The following SLC26A3 variants were observed in gnomAD, a reference collection of about 807,000 sequenced individuals.
SLC26A3 encodes the protein solute carrier family 26 member 3.
SLC26A3 carries 64 observed loss-of-function variants against 85.6 expected under a neutral mutation model. The ratio of observed to expected loss-of-function variants is 0.75; its 90% confidence interval spans 0.61 to 0.92. SLC26A3 has a LOEUF of 0.92. Ranked by LOEUF, SLC26A3 falls within the 40% of genes least tolerant of loss-of-function variation. The probability of loss-of-function intolerance (pLI) is 0.00; values close to 1 mark genes in which losing one functional copy is unlikely to be tolerated. For missense variants in SLC26A3, 922 were observed against 927.3 expected (o/e 0.99, Z 0.07); for synonymous variants, 349 against 336.0 (o/e 1.04, Z -0.42).
chr7:107,775,519 G>A (rs1794097299), intron 15 of SLC26A3, among the ~76,000 whole-genome samples: 1 of 151,966 alleles, frequency 6.6e-6, no homozygotes, highest in Non-Finnish European at 1.5e-5. Context: ...GAGGCCACGA[G>A]TTCAAGGCCA....
chr7:107,797,196 C>T (rs2115898813), intron 1 of SLC26A3, among the ~76,000 whole-genome samples: 1 of 152,218 alleles, frequency 6.6e-6, no homozygotes, highest in Non-Finnish European at 1.5e-5. Context: ...ATCAGGGGAG[C>T]TTAAGAAATC....
chr7:107,783,263 G>T lies in SLC26A3; in HGVS notation c.1061C>A (p.Ala354Asp). The T allele has an allele frequency of 6.2e-7, 1 of 1,614,198 alleles. No homozygotes were observed. The highest frequency in any genetic ancestry group is 2.2e-5 in the East Asian group (1 of 44,892). Residue 354 changes from alanine to aspartate, a missense_variant, in exon 9 of 21, where the codon GCC (alanine) becomes GAC (aspartate). Ala to Asp is a moderately radical substitution (Grantham distance 126). Coordinates refer to ENST00000340010, the MANE Select transcript of SLC26A3 (RefSeq NM_000111.3). ...FGIAMVAFAVAFSVASVYSLK... is the reference protein window; with the variant it reads ...FGIAMVAFAVDFSVASVYSLK... ...GGAATAGACGCTGGCAACTGAAAAG[G>T]CCACTGCAAATGCAACCATTGCGAT...
At position 107,783,361 on chromosome 7, in the gene SLC26A3, G is replaced by C; in HGVS notation, c.972-9C>G. ...TAATAGGGGGCTGAAATCTAAAATT[G>C]AAATTAAGCAAGTCTGAATGTCACC... On this transcript the variant is annotated splice_polypyrimidine_tract_variant and intron_variant, in intron 8 of 20. Coordinates refer to ENST00000340010, the MANE Select transcript of SLC26A3 (RefSeq NM_000111.3). 1.2e-6 allele frequency: 2 copies of C among 1,614,098 alleles called. No individual in the cohort carries two copies. Among genetic ancestry groups the C allele is most frequent in the Non-Finnish European group, 1.7e-6 (2 of 1,179,978 alleles).
At chr7:107,796,982 ATT>A (rs1427361841) in intron 1 of SLC26A3, among the ~76,000 whole-genome samples, 1 of 151,746 alleles carries the variant, frequency 6.6e-6, no homozygotes, top group East Asian at 1.9e-4. Flanking sequence ...TTTTATTTTA[ATT>A]TTTTTTGCCG....
Position 107,791,763 on chromosome 7 carries a change from G to C in SLC26A3, c.382+67C>G, listed in dbSNP as rs1341591578. 3 of 1,006,452 alleles carry C rather than the reference G, an allele frequency of 3.0e-6. No homozygotes were observed. The Admixed American group carries it at 5.2e-5, about 17-fold the overall frequency. The allele number at this position is 1,006,452 out of a possible 1,614,324, so 62.3% of individuals were successfully genotyped here. ...TATGTGAAATTTGGAATTGATAGAA[G>C]GTATGGCTAATAAAATTCATAAGGA... is the stretch of plus-strand genomic sequence containing the variant. On this transcript the variant is annotated intron_variant, in intron 4 of 20. Coordinates refer to ENST00000340010, the MANE Select transcript of SLC26A3 (RefSeq NM_000111.3).
At chr7:107,793,603 T>G (rs149475956) in intron 3 of SLC26A3, 139 bp downstream of exon 3, 25 of 656,648 alleles carry the variant, frequency 3.8e-5, no homozygotes, top group Middle Eastern at 4.1e-4. Context: ...TTTTTAGGGG[T>G]TGGTGGTGGT....
At chr7:107,766,031 A>G (rs1038555656) in intron 20 of SLC26A3, among the ~76,000 whole-genome samples, 153 bp from the exon 21 acceptor site, 4 of 152,112 alleles carry the variant, frequency 2.6e-5, no homozygotes, top group African/African-American at 9.7e-5. Context: ...CTTGTTTAAC[A>G]TAGATCTATG....
intron 4 of SLC26A3, 148 bp downstream of exon 4, chr7:107,791,682 T>C: frequency 1.9e-6 from 1 of 526,780 alleles, no homozygotes; most frequent in South Asian, 2.6e-5. Context: ...GACCCTGCCC[T>C]CCATCTCAAA....
chr7:107,783,612 C>T (rs569560589), intron 8 of SLC26A3, among the ~76,000 whole-genome samples: 1 of 152,276 alleles, frequency 6.6e-6, no homozygotes, highest in Admixed American at 6.5e-5. Context: ...CCAGTAAAAC[C>T]ACACTATAAT....
chr7:107,782,397 G>T (rs1272087076), intron 11 of SLC26A3, among the ~76,000 whole-genome samples: 1 of 152,174 alleles, frequency 6.6e-6, no homozygotes, highest in Non-Finnish European at 1.5e-5. Context: ...GCTTCAGGGT[G>T]TGTTCCTAAG....
intron 8 of SLC26A3, 69 bp from the exon 9 acceptor site, chr7:107,783,421 A>G: frequency 6.4e-7 from 1 of 1,557,370 alleles, no homozygotes; most frequent in Non-Finnish European, 8.9e-7. Flanking sequence ...CATTGGGCAA[A>G]TCAATGAATG....
At chr7:107,799,614 A>G (rs1396401064) in intron 1 of SLC26A3, among the ~76,000 whole-genome samples, 1 of 152,076 alleles carries the variant, frequency 6.6e-6, no homozygotes, top group African/African-American at 2.4e-5. Context: ...CTGGTCTCGA[A>G]CTCCTGGCCT....
intron 15 of SLC26A3, among the ~76,000 whole-genome samples, chr7:107,775,180 C>T (rs900097742): frequency 1.3e-5 from 2 of 152,282 alleles, no homozygotes; most frequent in African/African-American, 2.4e-5. Flanking sequence ...ACCTACACAA[C>T]TCTTAGGGAA....
At position 107,773,918 on chromosome 7, in the gene SLC26A3, A is replaced by C. The variant is rs764591347; in HGVS notation, c.2007+2T>G. 1 of 1,606,110 alleles carries C rather than the reference A, an allele frequency of 6.2e-7. No individual in the cohort carries two copies. The highest frequency in any genetic ancestry group is 8.5e-7 in the Non-Finnish European group (1 of 1,172,824). On this transcript the variant is annotated splice_donor_variant, in intron 17 of 20. Transcript: ENST00000340010. LOFTEE classifies it high-confidence loss of function. ...TGTTTCCATTAAGAACAAAGAAATT[A>C]CCGATTTAAGGCCCCTCACTGAAGA...
At chr7:107,796,572 A>G (rs1794504185) in intron 1 of SLC26A3, among the ~76,000 whole-genome samples, 2 of 152,210 alleles carry the variant, frequency 1.3e-5, no homozygotes, top group African/African-American at 4.8e-5. Context: ...GAACTTGCTC[A>G]CAAAGTGGAG....
Position 107,773,973 on chromosome 7 carries a change from C to T in SLC26A3, c.1954G>A (p.Asp652Asn), listed in dbSNP as rs140426439. ...TCAAGAAAGGACACTGCTGAAAAGT[C>T]AAGAATGAGGCTGTGGAGGCTGATT... ...PKISLHSLILDFSAVSFLDVS... is the reference protein window; with the variant it reads ...PKISLHSLILNFSAVSFLDVS... Residue 652 changes from aspartate (D) to asparagine (N), a missense_variant, in exon 17 of 21, where the codon GAC becomes AAC. Asp to Asn is a conservative substitution (Grantham distance 23). Coordinates refer to ENST00000340010, the MANE Select transcript of SLC26A3 (RefSeq NM_000111.3). The T allele has an allele frequency of 9.9e-6, 16 of 1,613,940 alleles. No individual in the cohort carries two copies. The African/African-American group carries it at 1.6e-4, about 16-fold the overall frequency.
At chr7:107,782,674 A>G in intron 11 of SLC26A3, 123 bp downstream of exon 11, 1 of 936,000 alleles carries the variant, frequency 1.1e-6, no homozygotes, top group East Asian at 2.4e-5. Context: ...ATTGGCTAAG[A>G]AGAGTACTTG....
intron 1 of SLC26A3, among the ~76,000 whole-genome samples, chr7:107,795,156 T>G (rs979615228): frequency 6.6e-6 from 1 of 152,208 alleles, no homozygotes; most frequent in Non-Finnish European, 1.5e-5. Context: ...AAATATTATT[T>G]GTTTACTTCA....
At chr7:107,777,257 T>C (rs1794132041) in intron 13 of SLC26A3, among the ~76,000 whole-genome samples, 1 of 152,180 alleles carries the variant, frequency 6.6e-6, no homozygotes, top group South Asian at 2.1e-4. Context: ...TAATTCAAAA[T>C]AGGCTGAGCA....
Sources: allele counts gnomAD v4.1 joint callset (sites outside exome capture counted in the v4.1 genomes callset), GRCh38; gene constraint gnomAD v4.1.1; transcripts MANE v1.5; gene names NCBI Gene and HGNC (gene_info 2026-07-23, HGNC 2026-07-21).